SAP130: variants seen among roughly 807,000 people sequenced by gnomAD.
The protein encoded by SAP130 is histone deacetylase complex subunit SAP130.
Under a neutral mutation model 103.2 loss-of-function variants are expected in SAP130, and 16 were observed. The ratio of observed to expected loss-of-function variants is 0.16; its 90% confidence interval spans 0.10 to 0.24. The LOEUF (loss-of-function observed/expected upper bound fraction) is 0.24, where lower values mean the gene tolerates loss of function less well. Among genes scored for constraint, SAP130 ranks in the 10% least tolerant of loss-of-function variants. SAP130 has a pLI of 1.00. For missense variants in SAP130, 990 were observed against 1,359.7 expected, an observed-to-expected ratio of 0.73 and a Z score of 4.28; for synonymous variants, 477 against 497.0, an observed-to-expected ratio of 0.96 and a Z score of 0.53.
intron 15 of SAP130, among the ~76,000 whole-genome samples, chr2:127,958,546 A>G (rs970718006): frequency 1.2e-4 from 19 of 152,202 alleles, no homozygotes; most frequent in African/African-American, 4.1e-4. Context: ...GGTTTTCAAA[A>G]ATAAAAACAA....
At chr2:127,987,932 T>G (rs146087165) in intron 13 of SAP130, among the ~76,000 whole-genome samples, 80 of 152,296 alleles carry the variant, frequency 5.3e-4, no homozygotes, top group African/African-American at 1.9e-3. Flanking sequence ...TTTTGACCTA[T>G]AAAAATGGCA....
intron 14 of SAP130, among the ~76,000 whole-genome samples, chr2:127,982,383 C>T (rs139953350): frequency 2.0e-5 from 3 of 152,076 alleles, no homozygotes; most frequent in Non-Finnish European, 2.9e-5. Flanking sequence ...TGGAGAGGAG[C>T]CCATAGAGCT....
chr2:127,977,233 T>C (rs1448885729), intron 15 of SAP130, among the ~76,000 whole-genome samples: 1 of 150,738 alleles, frequency 6.6e-6, no homozygotes, highest in Non-Finnish European at 1.5e-5. Context: ...TTCATGCATA[T>C]AATCCCAGCA....
At chr2:127,995,350 T>C (rs1379923157) in intron 11 of SAP130, among the ~76,000 whole-genome samples, 5 of 152,054 alleles carry the variant, frequency 3.3e-5, no homozygotes, top group African/African-American at 9.7e-5. Flanking sequence ...AAGGCTAGAA[T>C]AGAGGGGATG....
chr2:128,004,585 A>G (rs1683828169), intron 7 of SAP130, among the ~76,000 whole-genome samples: 1 of 152,106 alleles, frequency 6.6e-6, no homozygotes, highest in Admixed American at 6.6e-5. Context: ...TGAGGAGCAT[A>G]AACTGACAGA....
At chr2:128,020,485 T>C (rs1350361873) in intron 2 of SAP130, among the ~76,000 whole-genome samples, 1 of 152,228 alleles carries the variant, frequency 6.6e-6, no homozygotes, top group East Asian at 1.9e-4. Context: ...TACACAGCTG[T>C]AGATCTTTCA....
intron 15 of SAP130, among the ~76,000 whole-genome samples, chr2:127,968,184 C>T (rs1416564892): frequency 2.6e-5 from 4 of 151,344 alleles, no homozygotes; most frequent in Non-Finnish European, 5.9e-5. Context: ...TCTTGGCTCA[C>T]TGCAGCCTCT....
rs1239541248 is a variant in SAP130 at position 128,010,382 on chromosome 2, A to C, written c.756T>G (p.Pro252=). 5.6e-6 allele frequency: 9 copies of C among 1,611,688 alleles called. No individual in the cohort carries two copies. In the African/African-American group the frequency reaches 1.2e-4, roughly 22 times the overall value. The change falls in exon 7 of 21, where the codon CCT becomes CCG. Residue 252 remains proline, a synonymous_variant. Coordinates refer to ENST00000643581, the MANE Select transcript of SAP130 (RefSeq NM_001330301.2). ...IIHQPIQSRP[P]VTTSNAIPPA... ...GAGGGATGGCATTGGAGGTGGTCAC[A>C]GGTGGCCGAGACTACCAAAAGAGAA...
At chr2:128,008,169 A>T (rs1335116289) in intron 7 of SAP130, among the ~76,000 whole-genome samples, 1 of 152,146 alleles carries the variant, frequency 6.6e-6, no homozygotes, top group Non-Finnish European at 1.5e-5. Flanking sequence ...TCTTGTCTGC[A>T]CTATTGCCAA....
chr2:127,986,766 C>T lies in SAP130; in HGVS notation c.1958+19G>A, dbSNP rs200023786. On this transcript the variant is annotated intron_variant, in intron 14 of 20. Transcript: ENST00000643581. This position sits in a 1 kb window ranked among gnomAD's most constrained non-coding sequence, Gnocchi z 4.7. ...ATCCAGAACCAGAGGTGTCATTCGGCACTACCAGGTCTACTCACCCATCTG... is the reference window on the plus strand; with the variant it reads ...ATCCAGAACCAGAGGTGTCATTCGGTACTACCAGGTCTACTCACCCATCTG... 1.9e-6 allele frequency: 3 copies of T among 1,608,958 alleles called. No individual in the cohort carries two copies. The highest frequency in any genetic ancestry group is 4.5e-5 in the East Asian group (2 of 44,748).
rs1004872933 is a variant in SAP130, at chr2:128,019,321, C to T, written c.113-1406G>A. On this transcript the variant is annotated intron_variant, in intron 2 of 20. Transcript: ENST00000643581. Reference sequence around the variant, plus strand: ...TCTCACTCTGTCTCCCAGGCTGTAACGAAGTCACAGGATATCAGCTCACTG... The same window carrying T: ...TCTCACTCTGTCTCCCAGGCTGTAATGAAGTCACAGGATATCAGCTCACTG... Among the ~76,000 whole-genome samples, 4 of 151,974 alleles carry T rather than the reference C, an allele frequency of 2.6e-5. 1 individual carries two copies. In the South Asian group the frequency reaches 6.2e-4, roughly 24 times the overall value.
chr2:127,974,424 C>T lies in SAP130; in HGVS notation c.2063+3561G>A, dbSNP rs562664442. ...TAATATACAGGGAGTCCTCACTGAG[C>T]ACGAAGCTCACACATGTAAATATCA... On this transcript the variant is annotated intron_variant, in intron 15 of 20. Transcript: ENST00000643581. Among the ~76,000 whole-genome samples the T allele has an allele frequency of 9.2e-5, 14 of 152,298 alleles. No homozygotes were observed. In the East Asian group the frequency reaches 1.7e-3, roughly 19 times the overall value.
At chr2:128,009,828 C>A (rs564052131) in intron 7 of SAP130, among the ~76,000 whole-genome samples, 2 of 152,304 alleles carry the variant, frequency 1.3e-5, no homozygotes, top group Admixed American at 1.3e-4. Context: ...AGAGCCTTTG[C>A]GCTCACTGTT....
At chr2:127,994,651 C>T (rs6430960) in intron 11 of SAP130, among the ~76,000 whole-genome samples, 4,216 of 151,770 alleles carry the variant, frequency 0.028, 176 homozygotes, top group African/African-American at 0.093. Context: ...CCCAGCTACT[C>T]GGGAGGCTGA....
At chr2:127,966,838 T>G (rs1162612978) in intron 15 of SAP130, among the ~76,000 whole-genome samples, 3 of 152,244 alleles carry the variant, frequency 2.0e-5, no homozygotes, top group Non-Finnish European at 2.9e-5. Flanking sequence ...AGTCCTCAGA[T>G]GACATTATCT....
At chr2:127,970,518 C>T (rs972505120) in intron 15 of SAP130, among the ~76,000 whole-genome samples, 20 of 123,754 alleles carry the variant, frequency 1.6e-4, no homozygotes, top group Non-Finnish European at 2.4e-4. Context: ...TCCAGCCTGG[C>T]GACAGAGAGC....
Position 128,016,536 on chromosome 2 carries a change from C to T in SAP130, c.360G>A (p.Lys120=), listed in dbSNP as rs776275267. The T allele has an allele frequency of 8.7e-6, 14 of 1,610,454 alleles. 1 individual carries two copies. ...FSEGLMKPPP[K]PTMPSRPIAP... ...CAATGGGACGGCTAGGCATGGTGGG[C>T]TTCGGGGGCGGCTGCAAACAGAAAA... The change falls in exon 4 of 21, where the codon AAG becomes AAA. Residue 120 remains lysine, a synonymous_variant. Transcript: ENST00000643581.
chr2:127,964,648 C>CA (rs1033840966), intron 15 of SAP130, among the ~76,000 whole-genome samples: 74 of 149,702 alleles, frequency 4.9e-4, no homozygotes, highest in African/African-American at 1.5e-3. Flanking sequence ...AGAAAACAAA[C>CA]AAAAAAAAAT....
intron 11 of SAP130, among the ~76,000 whole-genome samples, chr2:127,994,576 T>C (rs1462856063): frequency 6.6e-6 from 1 of 150,876 alleles, no homozygotes; most frequent in African/African-American, 2.4e-5. Flanking sequence ...TGGGCAACAG[T>C]GTGAGACCTC....
Sources: allele counts gnomAD v4.1 joint callset (sites outside exome capture counted in the v4.1 genomes callset), GRCh38; gene constraint gnomAD v4.1.1; non-coding constraint Gnocchi (gnomAD v3.1); transcripts MANE v1.5; gene names NCBI Gene and HGNC (gene_info 2026-07-23, HGNC 2026-07-21).